The following WDR64 variants were observed in gnomAD, a reference collection of about 807,000 sequenced individuals.
WDR64 encodes WD repeat domain 64.
WDR64 carries 112 observed loss-of-function variants against 139.3 expected under a neutral mutation model. That is an observed-to-expected ratio of 0.80 (90% CI 0.69 to 0.94). The LOEUF is 0.94. Among genes scored for constraint, WDR64 ranks in the 40% least tolerant of loss-of-function variants. WDR64 has a pLI of 0.00. For synonymous variants in WDR64, 444 were observed against 437.7 expected (o/e 1.01, Z -0.18); for missense variants, 1,206 against 1,293.1 (o/e 0.93, Z 1.03).
chr1:241,671,573 T>C (rs12404765), intron 3 of WDR64, among the ~76,000 whole-genome samples: 22 of 152,224 alleles, frequency 1.4e-4, no homozygotes, highest in Admixed American at 1.4e-3. Context: ...CTATTCACTC[T>C]CATCTACCCG....
intron 8 of WDR64, among the ~76,000 whole-genome samples, chr1:241,691,926 T>G (rs1420403400): frequency 1.3e-5 from 2 of 151,856 alleles, no homozygotes; most frequent in Non-Finnish European, 2.9e-5. Context: ...GGTGGGAGAA[T>G]TGCTTGAACC....
In WDR64 at chr1:241,703,540, G is replaced by A. The variant is rs1367682386; in HGVS notation, c.975-8262G>A. ...TTGCTATCATTTCAGGGGGATCAGG[G>A]AAAAAGTCAGAATGAACTTCCCAGA... On this transcript the variant is annotated intron_variant, in intron 8 of 27. Transcript: ENST00000437684. This position sits in a 1 kb window ranked among gnomAD's most constrained non-coding sequence, Gnocchi z 5.9. 6.6e-6 allele frequency among the ~76,000 whole-genome samples: 1 copy of A among 151,944 alleles called. No homozygotes were observed. Among genetic ancestry groups the A allele is most frequent in the Non-Finnish European group, 1.5e-5 (1 of 67,994 alleles).
At chr1:241,799,038 A>G (rs1334941036) in intron 27 of WDR64, among the ~76,000 whole-genome samples, 1 of 151,958 alleles carries the variant, frequency 6.6e-6, no homozygotes, top group Non-Finnish European at 1.5e-5. Context: ...GAAAGATGGT[A>G]TATGTGAAAA....
chr1:241,710,817 GTCT>G (rs1181523209), intron 8 of WDR64, among the ~76,000 whole-genome samples: 1 of 152,206 alleles, frequency 6.6e-6, no homozygotes, highest in African/African-American at 2.4e-5. Flanking sequence ...AAGAAATGAA[GTCT>G]TCTTAGAGCA....
Position 241,703,594 on chromosome 1 carries a change from C to T in WDR64, c.975-8208C>T, listed in dbSNP as rs1210192866. Reference sequence around the variant, plus strand: ...AATACATTTCTATTCTGTGTGACTCCGGGAAGTGGTTATTGTTAATCAGGT... The same window carrying T: ...AATACATTTCTATTCTGTGTGACTCTGGGAAGTGGTTATTGTTAATCAGGT... On this transcript the variant is annotated intron_variant, in intron 8 of 27. Transcript: ENST00000437684. The surrounding 1 kb of genome is among the most constrained non-coding windows in gnomAD (Gnocchi z 5.9). Among the ~76,000 whole-genome samples, 5 of 152,008 alleles carry T rather than the reference C, an allele frequency of 3.3e-5. No homozygotes were observed. The highest frequency in any genetic ancestry group is 3.4e-3 in the Middle Eastern group (1 of 294).
chr1:241,699,614 AAG>A (rs1667631831), intron 8 of WDR64, among the ~76,000 whole-genome samples: 2 of 152,186 alleles, frequency 1.3e-5, no homozygotes, highest in African/African-American at 4.8e-5. Context: ...AGGCTTCCTG[AAG>A]ATGTCACAAA....
At chr1:241,664,083 T>A (rs1482519159) in intron 2 of WDR64, among the ~76,000 whole-genome samples, 1 of 152,242 alleles carries the variant, frequency 6.6e-6, no homozygotes, top group African/African-American at 2.4e-5. Context: ...AAATGATTGT[T>A]TTTTTCCTAA....
rs370878649 is a variant in WDR64 at position 241,711,787 on chromosome 1, A to T, written c.975-15A>T. 2.5e-5 allele frequency: 40 copies of T among 1,613,304 alleles called. No homozygotes were observed. Among genetic ancestry groups the T allele is most frequent in the Non-Finnish European group, 3.1e-5 (37 of 1,179,424 alleles). On this transcript the variant is annotated splice_polypyrimidine_tract_variant and intron_variant, in intron 8 of 27. Coordinates refer to ENST00000437684, the MANE Select transcript of WDR64 (RefSeq NM_001367482.1). The stretch of plus-strand genomic sequence containing the variant: ...GAAAAATATATATGTTTTCCATCTA[A>T]TTTGTGTTTTCCAGGCCTGTCAGAG...
chr1:241,766,409 G>A (rs529713975), intron 16 of WDR64, 58 bp downstream of exon 16: 1 of 1,561,086 alleles, frequency 6.4e-7, no homozygotes, highest in South Asian at 1.2e-5. Flanking sequence ...GGGCTCAGTA[G>A]CATGCAACAC....
At position 241,656,165 on chromosome 1, in the gene WDR64, G is replaced by A. The variant is rs1168432233; in HGVS notation, c.145+3536G>A. Among the ~76,000 whole-genome samples the A allele has an allele frequency of 6.6e-6, 1 of 152,154 alleles. No homozygotes were observed. The highest frequency in any genetic ancestry group is 1.5e-5 in the Non-Finnish European group (1 of 68,038). On this transcript the variant is annotated intron_variant, in intron 1 of 27. Transcript: ENST00000437684. The surrounding 1 kb of genome is among the most constrained non-coding windows in gnomAD (Gnocchi z 4.3). ...GCGGCCTAAGAAAGAGTGAGGAGAAGGCAGAAATGTCATCTTCACTTTTGT... is the reference window on the plus strand; with the variant it reads ...GCGGCCTAAGAAAGAGTGAGGAGAAAGCAGAAATGTCATCTTCACTTTTGT...
At chr1:241,755,833 G>A (rs541042251) in intron 14 of WDR64, among the ~76,000 whole-genome samples, 138 of 152,248 alleles carry the variant, frequency 9.1e-4, no homozygotes, top group African/African-American at 3.3e-3. Flanking sequence ...TTTCCCCATT[G>A]CTTGTTTTTG....
At chr1:241,757,065 T>G (rs1670219055) in intron 14 of WDR64, among the ~76,000 whole-genome samples, 1 of 152,194 alleles carries the variant, frequency 6.6e-6, no homozygotes, top group Non-Finnish European at 1.5e-5. Flanking sequence ...TGTAGAAATA[T>G]TAAAACTTTC....
intron 9 of WDR64, among the ~76,000 whole-genome samples, chr1:241,715,484 C>T (rs1047757980): frequency 6.6e-6 from 1 of 152,072 alleles, no homozygotes; most frequent in African/African-American, 2.4e-5. Context: ...AGGGAGAGCC[C>T]CTTGGTGTGA....
intron 23 of WDR64, among the ~76,000 whole-genome samples, chr1:241,783,584 C>T (rs1658926487): frequency 6.6e-6 from 1 of 152,196 alleles, no homozygotes; most frequent in African/African-American, 2.4e-5. Context: ...CATGAGATGT[C>T]ACATTCATCT....
chr1:241,801,127 C>A lies in WDR64; in HGVS notation c.3193-5C>A. 6.2e-7 allele frequency: 1 copy of A among 1,612,804 alleles called. No homozygotes were observed. The highest frequency in any genetic ancestry group is 8.5e-7 in the Non-Finnish European group (1 of 1,179,288). ...TTACTAACTGACATGCTCTTTATTT[C>A]ACAGGCACCACGAAGAAGAAGTTTG... On this transcript the variant is annotated splice_polypyrimidine_tract_variant and splice_region_variant and intron_variant, in intron 27 of 27. Coordinates refer to ENST00000437684, the MANE Select transcript of WDR64 (RefSeq NM_001367482.1).
At chr1:241,721,949 CAA>C (rs1302408547) in intron 9 of WDR64, among the ~76,000 whole-genome samples, 1 of 151,994 alleles carries the variant, frequency 6.6e-6, no homozygotes, top group East Asian at 1.9e-4. Context: ...CGCCTAACTG[CAA>C]AGGAGCCTGG....
chr1:241,796,658 A>G (rs1251106765), intron 27 of WDR64, among the ~76,000 whole-genome samples: 1 of 151,992 alleles, frequency 6.6e-6, no homozygotes, highest in Non-Finnish European at 1.5e-5. Flanking sequence ...GTGTCCAGCT[A>G]ATTTTGTATT....
At chr1:241,699,431 A>G (rs1667619921) in intron 8 of WDR64, among the ~76,000 whole-genome samples, 1 of 152,246 alleles carries the variant, frequency 6.6e-6, no homozygotes, top group African/African-American at 2.4e-5. Flanking sequence ...CTAGGAATTT[A>G]AAGATGAATA....
At chr1:241,748,945 A>G (rs2148260416) in intron 13 of WDR64, among the ~76,000 whole-genome samples, 1 of 151,640 alleles carries the variant, frequency 6.6e-6, no homozygotes, top group Admixed American at 6.6e-5. Flanking sequence ...TCTTAAAAAA[A>G]AAAAAAAGAA....
Sources: allele counts gnomAD v4.1 joint callset (sites outside exome capture counted in the v4.1 genomes callset), GRCh38; gene constraint gnomAD v4.1.1; non-coding constraint Gnocchi (gnomAD v3.1); transcripts MANE v1.5; gene names NCBI Gene and HGNC (gene_info 2026-07-23, HGNC 2026-07-21).